PLPPR1: variants seen among roughly 807,000 people sequenced by gnomAD.
The protein encoded by PLPPR1 is phospholipid phosphatase-related protein type 1.
Under a neutral mutation model 33.1 loss-of-function variants are expected in PLPPR1, and 10 were observed. The observed-to-expected ratio is 0.30, with a 90% CI of 0.19 to 0.51. The LOEUF (loss-of-function observed/expected upper bound fraction) is 0.51. PLPPR1 is among the 20% of genes least tolerant of loss of function. The probability of loss-of-function intolerance (pLI) is 0.97; values close to 1 mark genes in which losing one functional copy is unlikely to be tolerated. For synonymous variants in PLPPR1, 151 were observed against 151.0 expected, an observed-to-expected ratio of 1.00 and a Z score of 0.00; for missense variants, 304 against 408.1, an observed-to-expected ratio of 0.74 and a Z score of 2.20.
At chr9:101,168,452 C>T (rs1825892576) in intron 1 of PLPPR1, among the ~76,000 whole-genome samples, 1 of 152,254 alleles carries the variant, frequency 6.6e-6, no homozygotes, top group East Asian at 1.9e-4. Context: ...TCCTGGGCCT[C>T]TTCATAACTA....
At chr9:101,122,445 T>A (rs1011456558) in intron 1 of PLPPR1, among the ~76,000 whole-genome samples, 9 of 152,222 alleles carry the variant, frequency 5.9e-5, no homozygotes, top group African/African-American at 1.7e-4. Context: ...GAATCTCATT[T>A]TCCAGAAGTG....
intron 3 of PLPPR1, among the ~76,000 whole-genome samples, chr9:101,274,273 T>C (rs1828149861): frequency 6.6e-6 from 1 of 152,220 alleles, no homozygotes; most frequent in African/African-American, 2.4e-5. Flanking sequence ...TGGCCTAATT[T>C]ATCCTCAGAA....
intron 1 of PLPPR1, among the ~76,000 whole-genome samples, chr9:101,169,929 AC>A (rs1825916451): frequency 6.6e-6 from 1 of 151,610 alleles, no homozygotes; most frequent in African/African-American, 2.4e-5. Flanking sequence ...GAGATGATTG[AC>A]CTGAGACTTA....
chr9:101,147,117 C>T (rs780145925), intron 1 of PLPPR1, among the ~76,000 whole-genome samples: 13 of 152,188 alleles, frequency 8.5e-5, no homozygotes, highest in Middle Eastern at 3.4e-3. Context: ...CTTGGAATTA[C>T]CTATTGGCTG....
intron 1 of PLPPR1, among the ~76,000 whole-genome samples, chr9:101,072,314 C>G (rs76902903): frequency 0.039 from 5,920 of 152,166 alleles, 174 homozygotes; most frequent in East Asian, 0.081. Context: ...TTTGGAGTCT[C>G]TCCTCCATCC....
chr9:101,170,457 C>T (rs569339220), intron 1 of PLPPR1, among the ~76,000 whole-genome samples: 18 of 152,236 alleles, frequency 1.2e-4, no homozygotes, highest in African/African-American at 4.1e-4. Flanking sequence ...TGAGAAAGAA[C>T]CCCCAATGAT....
At position 101,325,001 on chromosome 9, in the gene PLPPR1, A is replaced by T. The variant is rs1446613077; in HGVS notation, c.*944A>T. 4 of 152,464 alleles carry T rather than the reference A, an allele frequency of 2.6e-5. No homozygotes were observed. Among genetic ancestry groups the T allele is most frequent in the African/African-American group, 9.6e-5 (4 of 41,474 alleles). The allele number at this position is 152,464 out of a possible 1,614,324, so 9.4% of individuals were successfully genotyped here. The stretch of plus-strand genomic sequence containing the variant: ...CTAGCATGGTGAGAACTAATATGTA[A>T]CTCCTTTGATTGAAGGAGCTCTTTT... On this transcript the variant is annotated 3_prime_UTR_variant, in exon 8 of 8. Coordinates refer to ENST00000374874, the MANE Select transcript of PLPPR1 (RefSeq NM_207299.2).
chr9:101,319,965 A>C (rs1201409743), intron 7 of PLPPR1, among the ~76,000 whole-genome samples: 1 of 152,170 alleles, frequency 6.6e-6, no homozygotes, highest in Non-Finnish European at 1.5e-5. Context: ...ACATCTGTCT[A>C]ATGTCTTCCC....
intron 1 of PLPPR1, among the ~76,000 whole-genome samples, chr9:101,097,422 G>A (rs1830832945): frequency 1.3e-5 from 2 of 152,144 alleles, no homozygotes; most frequent in Admixed American, 6.5e-5. Flanking sequence ...CCATCTACAG[G>A]AGCACATGTA....
At chr9:101,131,699 C>T (rs1831316281) in intron 1 of PLPPR1, 1 of 152,184 alleles carries the variant, frequency 6.6e-6, no homozygotes, top group Admixed American at 6.5e-5. Flanking sequence ...GAGAAAGGTA[C>T]ATATTGTAAC....
At chr9:101,313,026 A>C in intron 6 of PLPPR1, 52 bp downstream of exon 6, 1 of 1,554,028 alleles carries the variant, frequency 6.4e-7, no homozygotes, top group Non-Finnish European at 8.9e-7. Flanking sequence ...CTCTCTGAAA[A>C]ACTGTGAGTC....
At chr9:101,047,782 A>C (rs1588006293) in intron 1 of PLPPR1, among the ~76,000 whole-genome samples, 1 of 152,068 alleles carries the variant, frequency 6.6e-6, no homozygotes, top group Admixed American at 6.5e-5. Flanking sequence ...GCTCATGTAA[A>C]ATTTATAATG....
intron 1 of PLPPR1, among the ~76,000 whole-genome samples, chr9:101,079,706 A>T (rs1041181299): frequency 6.6e-6 from 1 of 151,866 alleles, no homozygotes; most frequent in Admixed American, 6.6e-5. Context: ...CAGCCTCCTG[A>T]GTAGCTGGGA....
chr9:101,284,539 G>A (rs996054872), intron 3 of PLPPR1, among the ~76,000 whole-genome samples: 1 of 152,150 alleles, frequency 6.6e-6, no homozygotes, highest in Non-Finnish European at 1.5e-5. Context: ...AACTATGTAA[G>A]ATCATGCATA....
At chr9:101,175,981 A>G (rs1826013477) in intron 1 of PLPPR1, among the ~76,000 whole-genome samples, 1 of 152,212 alleles carries the variant, frequency 6.6e-6, no homozygotes, top group Non-Finnish European at 1.5e-5. Context: ...TCACAACACA[A>G]GGAACAACAT....
chr9:101,325,127 C>T lies in PLPPR1; in HGVS notation c.*1070C>T, dbSNP rs549753584. On this transcript the variant is annotated 3_prime_UTR_variant, in exon 8 of 8. Transcript: ENST00000374874. ...TTCTAAAGAGAAGAAAAAGTTATCA[C>T]AAAATGTATTCTGGCTCATGTCTTT... 5.3e-5 allele frequency: 8 copies of T among 151,910 alleles called. No homozygotes were observed. In the East Asian group the frequency reaches 1.6e-3, roughly 29 times the overall value. 9.4% of individuals were successfully genotyped at this position (151,910 alleles called of 1,614,324 possible).
intron 3 of PLPPR1, among the ~76,000 whole-genome samples, chr9:101,278,823 G>A (rs1432275417): frequency 6.6e-6 from 1 of 152,148 alleles, no homozygotes; most frequent in Non-Finnish European, 1.5e-5. Flanking sequence ...ATCTGGACAG[G>A]CCAGAGCAGC....
chr9:101,047,590 C>T (rs1214990257), intron 1 of PLPPR1, among the ~76,000 whole-genome samples: 1 of 152,148 alleles, frequency 6.6e-6, no homozygotes, highest in African/African-American at 2.4e-5. Context: ...CGTAACCTTA[C>T]AATGGTATCA....
intron 2 of PLPPR1, among the ~76,000 whole-genome samples, chr9:101,253,810 T>G (rs1290099685): frequency 6.6e-6 from 1 of 152,168 alleles, no homozygotes; most frequent in East Asian, 1.9e-4. Flanking sequence ...TTTGATGATT[T>G]GTCCTCACCA....
Sources: allele counts gnomAD v4.1 joint callset (sites outside exome capture counted in the v4.1 genomes callset), GRCh38; gene constraint gnomAD v4.1.1; transcripts MANE v1.5; gene names NCBI Gene and HGNC (gene_info 2026-07-23, HGNC 2026-07-21).